Variants in HDAC5 observed in about 807,000 individuals in gnomAD.
HDAC5 encodes antigen NY-CO-9.
HDAC5 carries 25 observed loss-of-function variants against 133.3 expected under a neutral mutation model. The ratio of observed to expected loss-of-function variants is 0.19; its 90% confidence interval spans 0.14 to 0.26. The LOEUF is 0.26. Ranked by LOEUF, HDAC5 falls within the 10% of genes least tolerant of loss-of-function variation. The pLI, the probability that HDAC5 is intolerant of heterozygous loss-of-function variation, is 1.00. For synonymous variants in HDAC5, 589 were observed against 610.8 expected (o/e 0.96, Z 0.53); for missense variants, 1,041 against 1,460.5 (o/e 0.71, Z 4.68).
rs971009496 is a variant in HDAC5, at chr17:44,082,904, A to G, written c.2464-84T>C. The G allele has an allele frequency of 5.9e-6, 7 of 1,177,336 alleles. No individual in the cohort carries two copies. The Admixed American group carries it at 1.0e-4, about 17-fold the overall frequency. The allele number at this position is 1,177,336 out of a possible 1,614,324, so 72.9% of individuals were successfully genotyped here. On this transcript the variant is annotated intron_variant, in intron 18 of 26. Transcript: ENST00000682912. ...GTAGCACAGGACAGAAGCACAAGCCAGGCAGGGAAGTGAACACAAACCAGA... is the reference window on the plus strand; with the variant it reads ...GTAGCACAGGACAGAAGCACAAGCCGGGCAGGGAAGTGAACACAAACCAGA...
intron 3 of HDAC5, among the ~76,000 whole-genome samples, chr17:44,094,489 T>C (rs2051133983): frequency 6.6e-6 from 1 of 151,444 alleles, no homozygotes; most frequent in African/African-American, 2.4e-5. Context: ...CAAAAAAAAT[T>C]AGCTGGGCGT....
intron 2 of HDAC5, 140 bp from the exon 3 acceptor site, chr17:44,110,940 G>A (rs970064975): frequency 4.0e-5 from 28 of 698,094 alleles, no homozygotes; most frequent in East Asian, 1.4e-4. Context: ...CGGGCAGCCC[G>A]CACAGCACAG....
At chr17:44,080,293 C>T in intron 22 of HDAC5, 68 bp from the exon 23 acceptor site, 1 of 1,552,728 alleles carries the variant, frequency 6.4e-7, no homozygotes, top group Non-Finnish European at 8.9e-7. Context: ...CTGTTATCCT[C>T]CCAGAGACAA....
Position 44,092,152 on chromosome 17 carries a change from G to A in HDAC5, c.1032+20C>T. On this transcript the variant is annotated intron_variant, in intron 9 of 26. Coordinates refer to ENST00000682912, the MANE Select transcript of HDAC5 (RefSeq NM_005474.5). The stretch of plus-strand genomic sequence containing the variant: ...GAGCAACTCTGTCCCCGCCCCACCA[G>A]CCCCCAGCCAGGCCTGTACCTCAGT... The A allele has an allele frequency of 6.3e-7, 1 of 1,599,108 alleles. No individual in the cohort carries two copies. Among genetic ancestry groups the A allele is most frequent in the Non-Finnish European group, 8.6e-7 (1 of 1,167,676 alleles).
Position 44,107,476 on chromosome 17 carries a change from C to T in HDAC5, c.94+3253G>A, listed in dbSNP as rs370023632. ...TACAAAAATTAGCCAGGCACGGTGG[C>T]GTGTGCCTGTAGTCCCAGCTACTCG... is the stretch of plus-strand genomic sequence containing the variant. On this transcript the variant is annotated intron_variant, in intron 3 of 26. Coordinates refer to ENST00000682912, the MANE Select transcript of HDAC5 (RefSeq NM_005474.5). 2.3e-4 allele frequency among the ~76,000 whole-genome samples: 35 copies of T among 151,942 alleles called. No homozygotes were observed. The East Asian group carries it at 6.4e-3, about 28-fold the overall frequency.
At position 44,085,747 on chromosome 17, in the gene HDAC5, C is replaced by T. The variant is rs538611002; in HGVS notation, c.2051-592G>A. Among the ~76,000 whole-genome samples the T allele has an allele frequency of 2.6e-5, 4 of 152,312 alleles. No homozygotes were observed. The East Asian group carries it at 5.8e-4, about 22-fold the overall frequency. On this transcript the variant is annotated intron_variant, in intron 14 of 26. Transcript: ENST00000682912. ...GAACTCCTGACCTCAGGTAATCCAC[C>T]CACCTCAGCCTCCTAAAGTGCTGGG...
chr17:44,097,673 A>G lies in HDAC5; in HGVS notation c.95-3839T>C, dbSNP rs185992850. 4.3e-3 allele frequency among the ~76,000 whole-genome samples: 656 copies of G among 152,364 alleles called. 6 individuals carry two copies. The highest frequency in any genetic ancestry group is 0.015 in the African/African-American group (621 of 41,590). ...CTCTGATCACTCAGCCAAGCAATGG[A>G]CAGCCGTCAACCTGCTGCTCCCGGC... On this transcript the variant is annotated intron_variant, in intron 3 of 26. Coordinates refer to ENST00000682912, the MANE Select transcript of HDAC5 (RefSeq NM_005474.5).
intron 7 of HDAC5, 36 bp from the exon 8 acceptor site, chr17:44,092,563 C>T: frequency 1.3e-6 from 2 of 1,594,818 alleles, no homozygotes; most frequent in Non-Finnish European, 1.7e-6. Context: ...GATACGCGCA[C>T]AGCAGCACAC....
At chr17:44,095,407 T>C (rs1020349660) in intron 3 of HDAC5, among the ~76,000 whole-genome samples, 1 of 152,192 alleles carries the variant, frequency 6.6e-6, no homozygotes, top group Non-Finnish European at 1.5e-5. Flanking sequence ...GTGCCCTTGG[T>C]AACCCCAGGA....
In HDAC5 at chr17:44,100,339, C is replaced by A. The variant is rs77050129; in HGVS notation, c.95-6505G>T. Among the ~76,000 whole-genome samples the A allele has an allele frequency of 3.5e-3, 530 of 152,098 alleles. 4 individuals are homozygous for A. Among genetic ancestry groups the A allele is most frequent in the African/African-American group, 0.012 (500 of 41,462 alleles). ...AAGGAAATGGGAACTATAGTTCCCCCTAGAGAAGCCCTGGGGGGAGGGAGC... is the reference window on the plus strand; with the variant it reads ...AAGGAAATGGGAACTATAGTTCCCCATAGAGAAGCCCTGGGGGGAGGGAGC... On this transcript the variant is annotated intron_variant, in intron 3 of 26. Coordinates refer to ENST00000682912, the MANE Select transcript of HDAC5 (RefSeq NM_005474.5).
At chr17:44,119,323 C>T (rs569618258) in intron 1 of HDAC5, among the ~76,000 whole-genome samples, 3 of 152,324 alleles carry the variant, frequency 2.0e-5, no homozygotes, top group South Asian at 2.1e-4. Context: ...GAAATGCCCA[C>T]GATTCCCAGC....
Position 44,110,779 on chromosome 17 carries a change from G to A in HDAC5, c.44C>T (p.Pro15Leu), listed in dbSNP as rs773648052. 6.2e-7 allele frequency: 1 copy of A among 1,613,934 alleles called. No homozygotes were observed. Among genetic ancestry groups the A allele is most frequent in the Non-Finnish European group, 8.5e-7 (1 of 1,179,920 alleles). Reference sequence around the variant, plus strand: ...AGTCCGCGGCAGGATTTCCAAGGATGGTTCCCGACCTGACATCCCATCTGC... The same window carrying A: ...AGTCCGCGGCAGGATTTCCAAGGATAGTTCCCGACCTGACATCCCATCTGC... Reference protein sequence around the residue: ...NESDGMSGREPSLEILPRTSL... With the variant: ...NESDGMSGRELSLEILPRTSL... The change falls in exon 3 of 27, where the codon CCA (proline) becomes CTA (leucine). Residue 15 changes from proline to leucine, a missense_variant. Transcript: ENST00000682912.
At chr17:44,116,380 G>A (rs940650554) in intron 2 of HDAC5, among the ~76,000 whole-genome samples, 2 of 152,188 alleles carry the variant, frequency 1.3e-5, no homozygotes, top group African/African-American at 4.8e-5. Flanking sequence ...CCTAGGGGCT[G>A]AATGAGGGCA....
intron 3 of HDAC5, among the ~76,000 whole-genome samples, chr17:44,094,754 G>A (rs201503580): frequency 5.3e-4 from 72 of 137,112 alleles, no homozygotes; most frequent in South Asian, 4.6e-3. Flanking sequence ...GTATGTGTGT[G>A]TATATATATA....
chr17:44,114,235 G>C (rs756755084), intron 2 of HDAC5, among the ~76,000 whole-genome samples: 1 of 152,266 alleles, frequency 6.6e-6, no homozygotes, highest in South Asian at 2.1e-4. Flanking sequence ...GTGTGCCAGG[G>C]GGCATCTCAG....
intron 13 of HDAC5, 53 bp from the exon 14 acceptor site, chr17:44,086,790 G>A (rs1157376585): frequency 1.6e-6 from 2 of 1,249,598 alleles, no homozygotes; most frequent in Non-Finnish European, 2.0e-6. Flanking sequence ...GGACAGGGGT[G>A]AGGGCAGGCC....
At chr17:44,113,353 A>T (rs1172039330) in intron 2 of HDAC5, among the ~76,000 whole-genome samples, 1 of 152,204 alleles carries the variant, frequency 6.6e-6, no homozygotes, top group African/African-American at 2.4e-5. Context: ...GCCAGCTCCC[A>T]GCACCATTAC....
At chr17:44,106,698 C>T (rs1002387859) in intron 3 of HDAC5, among the ~76,000 whole-genome samples, 6 of 151,432 alleles carry the variant, frequency 4.0e-5, no homozygotes, top group African/African-American at 1.5e-4. Flanking sequence ...TCAAGCGATT[C>T]TCCTGCCTCA....
chr17:44,093,909 A>T, intron 3 of HDAC5, 75 bp from the exon 4 acceptor site: 1 of 1,426,532 alleles, frequency 7.0e-7, no homozygotes, highest in Non-Finnish European at 9.2e-7. Flanking sequence ...CCCAAAGGCT[A>T]CCACGCAGGA....
Sources: allele counts gnomAD v4.1 joint callset (sites outside exome capture counted in the v4.1 genomes callset), GRCh38; gene constraint gnomAD v4.1.1; transcripts MANE v1.5; gene names NCBI Gene and HGNC (gene_info 2026-07-23, HGNC 2026-07-21).